The following KCNV2 variants were observed in gnomAD, a reference collection of about 807,000 sequenced individuals.
KCNV2 encodes the protein potassium voltage-gated channel subfamily V member 2.
A neutral mutation model predicts 37.0 loss-of-function variants in KCNV2; 65 were observed. The ratio of observed to expected loss-of-function variants is 1.76; its 90% CI spans 1.44 to 2.16. KCNV2 has a LOEUF of 2.16. Among genes scored for constraint, KCNV2 ranks in the 30% most tolerant of loss-of-function variants. The pLI is 0.00. For synonymous variants in KCNV2, 518 were observed against 328.6 expected (o/e 1.58, Z -6.23); for missense variants, 1,232 against 766.7 (o/e 1.61, Z -7.17).
chr9:2,718,006 C>A lies in KCNV2; in HGVS notation c.267C>A (p.Pro89=), dbSNP rs1819769939. 3.7e-6 allele frequency: 6 copies of A among 1,613,900 alleles called. No homozygotes were observed. In the East Asian group the frequency reaches 1.3e-4, roughly 36 times the overall value. Residue 89 remains proline, a synonymous_variant, in exon 1 of 2, where the codon CCC becomes CCA. Transcript: ENST00000382082. ...TCACCACCGCCAAGCCCGAGGGCCCCAGCGACCCTCCGGCCCTGCTGTCCA... is the reference window on the plus strand; with the variant it reads ...TCACCACCGCCAAGCCCGAGGGCCCAAGCGACCCTCCGGCCCTGCTGTCCA... ...GEVTTAKPEG[P]SDPPALLSTL... is the part of the protein sequence containing the mutation.
In KCNV2 at chr9:2,717,743, C is replaced by T. The variant is rs1277326730; in HGVS notation, c.4C>T (p.Leu2Phe). The T allele has an allele frequency of 1.2e-6, 2 of 1,614,074 alleles. No individual in the cohort carries two copies. The highest frequency in any genetic ancestry group is 1.7e-5 in the Admixed American group (1 of 60,000). M[L>F]KQSERRRSWS... ...TAGGCGTCCACTTTCCGCAGCCATGCTCAAACAGAGTGAGAGGAGACGGTC... is the reference window on the plus strand; with the variant it reads ...TAGGCGTCCACTTTCCGCAGCCATGTTCAAACAGAGTGAGAGGAGACGGTC... Residue 2 changes from leucine (L) to phenylalanine (F), a missense_variant, in exon 1 of 2, where the codon CTC becomes TTC. Leu to Phe is a conservative substitution (Grantham distance 22). Transcript: ENST00000382082.
intron 1 of KCNV2, among the ~76,000 whole-genome samples, chr9:2,723,602 T>C (rs1250503646): frequency 6.6e-6 from 1 of 152,248 alleles, no homozygotes; most frequent in Non-Finnish European, 1.5e-5. Context: ...ACTGCTAGCC[T>C]ATAGTAAGTC....
At chr9:2,722,072 A>AATAAATTAGAAGTTATTTATTT (rs1819880683) in intron 1 of KCNV2, among the ~76,000 whole-genome samples, 1 of 120,386 alleles carries the variant, frequency 8.3e-6, no homozygotes, top group African/African-American at 3.3e-5. Context: ...GTTATTTATA[A>AATAAATTAGAAGTTATTTATTT]ATAAATTAGA....
At chr9:2,726,645 C>T (rs987261586) in intron 1 of KCNV2, among the ~76,000 whole-genome samples, 2 of 152,160 alleles carry the variant, frequency 1.3e-5, no homozygotes, top group Admixed American at 6.5e-5. Context: ...GACTTGTTTC[C>T]TCCAAGGCCT....
chr9:2,719,218 T>C, intron 1 of KCNV2, 123 bp downstream of exon 1: 1 of 1,073,952 alleles, frequency 9.3e-7, no homozygotes, highest in Non-Finnish European at 1.4e-6. Flanking sequence ...CCACCCCCAA[T>C]CGCCGCATAC....
chr9:2,729,102 G>T lies in KCNV2; in HGVS notation c.1357-344G>T, dbSNP rs566027436. Among the ~76,000 whole-genome samples, 27 of 152,276 alleles carry T rather than the reference G, an allele frequency of 1.8e-4. No individual in the cohort carries two copies. The East Asian group carries it at 2.7e-3, about 15-fold the overall frequency. On this transcript the variant is annotated intron_variant, in intron 1 of 1. Transcript: ENST00000382082. ...TAGGGAGGCAAAGATCATTTACTGA[G>T]CACGTTCTACATCAGGTACTTAACA...
At chr9:2,725,471 C>T (rs10967748) in intron 1 of KCNV2, among the ~76,000 whole-genome samples, 8,185 of 152,244 alleles carry the variant, frequency 0.054, 761 homozygotes, top group African/African-American at 0.19. Flanking sequence ...AGTTTAAGAT[C>T]GACACTTAGA....
intron 1 of KCNV2, among the ~76,000 whole-genome samples, chr9:2,727,132 G>C (rs1035088462): frequency 6.6e-6 from 1 of 152,116 alleles, no homozygotes. Flanking sequence ...CCAGAGGTGT[G>C]AGTCATGGTG....
chr9:2,725,183 A>G (rs1020621047), intron 1 of KCNV2, among the ~76,000 whole-genome samples: 1 of 152,190 alleles, frequency 6.6e-6, no homozygotes, highest in African/African-American at 2.4e-5. Context: ...ATAGATCTCA[A>G]ACTTACATTT....
Position 2,729,426 on chromosome 9 carries a change from C to T in KCNV2, c.1357-20C>T. 1 of 1,612,670 alleles carries T rather than the reference C, an allele frequency of 6.2e-7. No homozygotes were observed. Among genetic ancestry groups the T allele is most frequent in the Non-Finnish European group, 8.5e-7 (1 of 1,179,852 alleles). On this transcript the variant is annotated intron_variant, in intron 1 of 1. Coordinates refer to ENST00000382082, the MANE Select transcript of KCNV2 (RefSeq NM_133497.4). ...CGATCTTAGTGCTAACAATTCCATC[C>T]TGCTTTCCTTCCTCTACAGGTGAGC... is the stretch of plus-strand genomic sequence containing the variant.
rs773711302 is a variant in KCNV2 at position 2,717,731 on chromosome 9, T to A, written c.-9T>A. On this transcript the variant is annotated 5_prime_UTR_variant, in exon 1 of 2. Coordinates refer to ENST00000382082, the MANE Select transcript of KCNV2 (RefSeq NM_133497.4). Reference sequence around the variant, plus strand: ...GGAGGAAAAAGCTAGGCGTCCACTTTCCGCAGCCATGCTCAAACAGAGTGA... The same window carrying A: ...GGAGGAAAAAGCTAGGCGTCCACTTACCGCAGCCATGCTCAAACAGAGTGA... 6.2e-6 allele frequency: 10 copies of A among 1,614,036 alleles called. No homozygotes were observed. The highest frequency in any genetic ancestry group is 1.3e-5 in the African/African-American group (1 of 74,924).
chr9:2,724,127 C>G (rs929828447), intron 1 of KCNV2, among the ~76,000 whole-genome samples: 1 of 151,746 alleles, frequency 6.6e-6, no homozygotes, highest in African/African-American at 2.4e-5. Context: ...CAAGTTAAAG[C>G]TGTAGAAACC....
intron 1 of KCNV2, 145 bp downstream of exon 1, chr9:2,719,240 C>A (rs934790964): frequency 2.4e-6 from 2 of 843,798 alleles, no homozygotes; most frequent in Non-Finnish European, 3.8e-6. Context: ...GCTAACAAAA[C>A]GGCGATGGAT....
chr9:2,717,928 G>A lies in KCNV2; in HGVS notation c.189G>A (p.Glu63=), dbSNP rs1322961625. ...TCGAGGAAGACGAAGACGGCGAGGAGGAGGACCAGTGGAAGGACGACCTGG... is the reference window on the plus strand; with the variant it reads ...TCGAGGAAGACGAAGACGGCGAGGAAGAGGACCAGTGGAAGGACGACCTGG... The part of the protein sequence containing the change: ...YYIEEDEDGE[E]EDQWKDDLAE... Residue 63 remains glutamate, a synonymous_variant, in exon 1 of 2, where the codon GAG becomes GAA. Coordinates refer to ENST00000382082, the MANE Select transcript of KCNV2 (RefSeq NM_133497.4). 3.1e-6 allele frequency: 5 copies of A among 1,614,080 alleles called. No individual in the cohort carries two copies. The South Asian group carries it at 3.3e-5, about 11-fold the overall frequency.
At chr9:2,724,031 TG>T (rs1819929226) in intron 1 of KCNV2, among the ~76,000 whole-genome samples, 3 of 150,606 alleles carry the variant, frequency 2.0e-5, no homozygotes, top group South Asian at 4.2e-4. Context: ...TGCCGGGGGT[TG>T]GGGGGTGGAG....
intron 1 of KCNV2, among the ~76,000 whole-genome samples, chr9:2,721,240 ATTAT>A (rs1013143107): frequency 4.6e-5 from 7 of 152,184 alleles, no homozygotes; most frequent in African/African-American, 1.7e-4. Context: ...TATTCTGAAA[ATTAT>A]TTATACCAGT....
chr9:2,722,194 GTTAT>G (rs528394809), intron 1 of KCNV2, among the ~76,000 whole-genome samples: 2,315 of 133,632 alleles, frequency 0.017, 337 homozygotes, highest in African/African-American at 0.059. Context: ...TAAAATAGAA[GTTAT>G]TTATTTATAA....
At chr9:2,720,165 A>G (rs1819840166) in intron 1 of KCNV2, among the ~76,000 whole-genome samples, 1 of 152,262 alleles carries the variant, frequency 6.6e-6, no homozygotes, top group African/African-American at 2.4e-5. Flanking sequence ...GTATGTCATA[A>G]CCCATAGTCT....
Position 2,718,415 on chromosome 9 carries a change from G to A in KCNV2, c.676G>A (p.Val226Ile), listed in dbSNP as rs74587818. 1.2e-3 allele frequency: 1,990 copies of A among 1,603,834 alleles called. 26 individuals are homozygous for A. In the African/African-American group the frequency reaches 0.024, roughly 19 times the overall value. ...GCACGAGCTGCGCGCGCAGGCGCAGGTCGAGGAGGCGGAGGAACTCTTCCG... is the reference window on the plus strand; with the variant it reads ...GCACGAGCTGCGCGCGCAGGCGCAGATCGAGGAGGCGGAGGAACTCTTCCG... ...IQHELRAQAQ[V>I]EEAEELFRDM... Residue 226 changes from valine (V) to isoleucine (I), a missense_variant, in exon 1 of 2, where the codon GTC (valine) becomes ATC (isoleucine). Val to Ile is a conservative substitution (Grantham distance 29, BLOSUM62 3). Transcript: ENST00000382082.
Sources: gnomAD v4.1 joint callset for allele counts (sites outside exome capture counted in the v4.1 genomes callset) on GRCh38, gnomAD v4.1.1 for gene constraint, MANE v1.5 for transcripts, NCBI Gene and HGNC (gene_info 2026-07-23, HGNC 2026-07-21) for gene names.